ZMYM2: variants seen among roughly 807,000 people sequenced by gnomAD.
ZMYM2 encodes the protein zinc finger MYM-type containing 2.
A neutral mutation model predicts 162.8 loss-of-function variants in ZMYM2; 56 were observed. That is an observed-to-expected ratio of 0.34 (90% CI 0.28 to 0.43). The LOEUF (loss-of-function observed/expected upper bound fraction) is 0.43. ZMYM2 is among the 20% of genes least tolerant of loss of function. The pLI is 1.00. For synonymous variants in ZMYM2, 510 were observed against 541.6 expected (o/e 0.94, Z 0.81); for missense variants, 1,275 against 1,621.8 (o/e 0.79, Z 3.67).
chr13:20,079,178 G>T (rs1014938689), intron 21 of ZMYM2, among the ~76,000 whole-genome samples: 8 of 151,440 alleles, frequency 5.3e-5, no homozygotes, highest in Non-Finnish European at 7.4e-5. Context: ...AATTAGCCGG[G>T]TGTGGTGGCA....
At chr13:20,032,599 C>CTTTTTTTTTTTTTTTTTTTTTTTTTTTTT (rs57294389) in intron 10 of ZMYM2, among the ~76,000 whole-genome samples, 1 of 66,040 alleles carries the variant, frequency 1.5e-5, no homozygotes, top group Non-Finnish European at 2.9e-5. Context: ...TTTTTTCTGT[C>CTTTTTTTTTTTTTTTTTTTTTTTTTTTTT]TTTTTTTTTT....
chr13:19,964,147 C>T (rs1404083751), intron 2 of ZMYM2, among the ~76,000 whole-genome samples: 3 of 150,954 alleles, frequency 2.0e-5, no homozygotes, highest in Admixed American at 6.6e-5. Flanking sequence ...GAGACTGAGG[C>T]GGGTGGATCA....
the ZMYM2 span, among the ~76,000 whole-genome samples, chr13:19,937,841 A>G: frequency 8.1e-6 from 1 of 124,144 alleles, no homozygotes; most frequent in East Asian, 2.5e-4. Context: ...TTCTGTGTCC[A>G]CGTGTTCTCA....
At chr13:19,920,697 C>T in the ZMYM2 span, among the ~76,000 whole-genome samples, 19 of 151,626 alleles carry the variant, frequency 1.3e-4, no homozygotes, top group Non-Finnish European at 2.4e-4. Context: ...GAGGGGAGTT[C>T]ATTAAAAAAC....
At chr13:20,084,270 C>T (rs563949860) in intron 24 of ZMYM2, among the ~76,000 whole-genome samples, 1 of 152,316 alleles carries the variant, frequency 6.6e-6, no homozygotes, top group South Asian at 2.1e-4. Flanking sequence ...GCCTCAGCCT[C>T]CCAAAGTGCT....
intron 10 of ZMYM2, among the ~76,000 whole-genome samples, chr13:20,033,724 T>G (rs895960112): frequency 2.0e-5 from 3 of 152,188 alleles, no homozygotes; most frequent in Non-Finnish European, 4.4e-5. Context: ...AAATTATTAC[T>G]AATCATGTTC....
upstream of ZMYM2, among the ~76,000 whole-genome samples, chr13:19,955,630 CT>C (rs374913356): frequency 6.6e-6 from 1 of 151,146 alleles, no homozygotes; most frequent in Middle Eastern, 3.2e-3. Flanking sequence ...TATAACAACT[CT>C]TTTTTTTTGA....
In ZMYM2 at chr13:19,993,735, G is replaced by A; in HGVS notation, c.663G>A (p.Gln221=). ...NLMITHVTSL[Q]NTNLGDVSNG... is the part of the protein sequence containing the mutation. ...TGATTACACATGTAACATCACTGCA[G>A]AATACCAACTTGGGAGATGTCTCTA... Residue 221 remains glutamine, a synonymous_variant, in exon 3 of 25, where the codon CAG becomes CAA. Transcript: ENST00000610343. The A allele has an allele frequency of 6.2e-7, 1 of 1,614,032 alleles. No homozygotes were observed. The highest frequency in any genetic ancestry group is 8.5e-7 in the Non-Finnish European group (1 of 1,179,912).
chr13:20,053,209 T>C (rs922437628), intron 14 of ZMYM2, among the ~76,000 whole-genome samples: 2 of 152,176 alleles, frequency 1.3e-5, no homozygotes, highest in Non-Finnish European at 2.9e-5. Flanking sequence ...GGGAAGCTCT[T>C]TGGGAGTCAT....
chr13:20,031,319 G>T lies in ZMYM2; in HGVS notation c.1852G>T (p.Ala618Ser). The part of the protein sequence containing the change: ...CNSSCVAKFQ[A>S]LSMQSSPNGQ... ...TAGTATCTTTTGTTCTTTGTTTTAG[G>T]CTCTAAGTATGCAGTCATCTCCAAA... Residue 618 changes from alanine (A) to serine (S), a missense_variant and splice_region_variant, in exon 10 of 25, where the codon GCT becomes TCT. By Grantham distance (99) the Ala-to-Ser change is moderately conservative. Around this residue, in one of 10 missense-constraint regions of ZMYM2, gnomAD observed 276 missense variants for 311.8 expected, o/e 0.89. Coordinates refer to ENST00000610343, the MANE Select transcript of ZMYM2 (RefSeq NM_197968.4). 1 of 1,600,246 alleles carries T rather than the reference G, an allele frequency of 6.2e-7. No individual in the cohort carries two copies. The highest frequency in any genetic ancestry group is 1.1e-5 in the South Asian group (1 of 88,540).
upstream of ZMYM2, among the ~76,000 whole-genome samples, chr13:19,953,745 T>G (rs943907403): frequency 6.6e-6 from 1 of 151,846 alleles, no homozygotes; most frequent in African/African-American, 2.4e-5. Flanking sequence ...TCTCAGTTTC[T>G]GATATCATCT....
the ZMYM2 span, among the ~76,000 whole-genome samples, chr13:19,935,755 C>CAGAA: frequency 6.6e-6 from 1 of 152,058 alleles, no homozygotes; most frequent in Non-Finnish European, 1.5e-5. Context: ...AAACAGTTCT[C>CAGAA]CTGCCTTTTC....
the ZMYM2 span, among the ~76,000 whole-genome samples, chr13:19,949,385 G>T: frequency 6.6e-6 from 1 of 152,176 alleles, no homozygotes; most frequent in African/African-American, 2.4e-5. Flanking sequence ...CTGCACTTCA[G>T]CTTGGGCTAC....
chr13:19,903,912 T>G, the ZMYM2 span, among the ~76,000 whole-genome samples: 1 of 152,060 alleles, frequency 6.6e-6, no homozygotes, highest in Admixed American at 6.6e-5. Context: ...GGAGGTTTTT[T>G]GGGGGTGGTG....
chr13:19,959,248 C>T (rs1270049319), intron 1 of ZMYM2, among the ~76,000 whole-genome samples: 2 of 150,052 alleles, frequency 1.3e-5, no homozygotes, highest in Non-Finnish European at 3.0e-5. Flanking sequence ...TTTCCTTTCT[C>T]TCCGGCGGGG....
chr13:20,031,229 C>T (rs1451969251), intron 9 of ZMYM2, 90 bp from the exon 10 acceptor site: 2 of 901,954 alleles, frequency 2.2e-6, no homozygotes, highest in Non-Finnish European at 3.3e-6. Flanking sequence ...ATGTATATTA[C>T]TTTCTGGACA....
chr13:20,065,772 C>T (rs989134365), intron 19 of ZMYM2, among the ~76,000 whole-genome samples: 4 of 152,110 alleles, frequency 2.6e-5, no homozygotes, highest in Admixed American at 6.5e-5. Flanking sequence ...CAAGACCTCT[C>T]CTCAAAACAG....
At chr13:19,899,535 A>G in the ZMYM2 span, among the ~76,000 whole-genome samples, 2 of 151,840 alleles carry the variant, frequency 1.3e-5, no homozygotes, top group Admixed American at 1.3e-4. Context: ...AGTAGAGGAA[A>G]GGCTGGGCTC....
At chr13:19,995,738 A>T (rs9552058) in intron 3 of ZMYM2, among the ~76,000 whole-genome samples, 68,983 of 152,060 alleles carry the variant, frequency 0.45, 17,692 homozygotes, top group East Asian at 0.67. Flanking sequence ...GTTTTCTGTG[A>T]GCAGCCTTGT....
Sources: gnomAD v4.1 joint callset for allele counts (sites outside exome capture counted in the v4.1 genomes callset) on GRCh38, gnomAD v4.1.1 for gene constraint, gnomAD v4.1.1 regional missense constraint, MANE v1.5 for transcripts, NCBI Gene and HGNC (gene_info 2026-07-23, HGNC 2026-07-21) for gene names.